The following SYNJ2 variants were observed in gnomAD, a reference collection of about 807,000 sequenced individuals.
SYNJ2 encodes the protein polyphosphatidylinositol phosphatase SYNJ2.
In SYNJ2, 116 loss-of-function variants were observed where a neutral mutation model predicts 141.3. The observed-to-expected ratio is 0.82, with a 90% confidence interval of 0.71 to 0.96. SYNJ2 has a LOEUF of 0.96. Among genes scored for constraint, SYNJ2 ranks in the 40% least tolerant of loss-of-function variants. SYNJ2 has a pLI of 0.00. For synonymous variants in SYNJ2, 745 were observed against 777.7 expected (o/e 0.96, Z 0.70); for missense variants, 1,873 against 1,934.8 (o/e 0.97, Z 0.60).
chr6:158,092,777 A>G, intron 25 of SYNJ2, 149 bp from the exon 26 acceptor site: 1 of 762,420 alleles, frequency 1.3e-6, no homozygotes, highest in Non-Finnish European at 2.0e-6. Flanking sequence ...AAAAGAAAAA[A>G]GAAAAAAAGC....
At chr6:158,093,221 G>A in intron 26 of SYNJ2, 117 bp downstream of exon 26, 1 of 1,178,558 alleles carries the variant, frequency 8.5e-7, no homozygotes, top group Non-Finnish European at 1.2e-6. Flanking sequence ...GGATTACGAG[G>A]TCAGGAGTTC....
chr6:157,984,684 G>A (rs781418789), intron 1 of SYNJ2, among the ~76,000 whole-genome samples: 6 of 152,116 alleles, frequency 3.9e-5, no homozygotes, highest in East Asian at 3.8e-4. Flanking sequence ...GATTACAGGC[G>A]TGAGCCACCA....
chr6:158,053,774 C>T (rs1780702552), intron 5 of SYNJ2, among the ~76,000 whole-genome samples: 1 of 150,332 alleles, frequency 6.7e-6, no homozygotes, highest in African/African-American at 2.5e-5. Context: ...CCCACCCATC[C>T]ACCCACCCAC....
intron 1 of SYNJ2, among the ~76,000 whole-genome samples, chr6:157,998,363 G>T (rs1176558439): frequency 6.6e-6 from 1 of 152,240 alleles, no homozygotes; most frequent in Non-Finnish European, 1.5e-5. Context: ...TCACCGAGTG[G>T]TTATAATTCA....
chr6:158,088,550 G>T (rs887506398), intron 23 of SYNJ2, 110 bp from the exon 24 acceptor site: 6 of 772,422 alleles, frequency 7.8e-6, no homozygotes, highest in Non-Finnish European at 1.3e-5. Context: ...GGACCTCACC[G>T]TGTCTGTGGT....
At position 158,043,170 on chromosome 6, in the gene SYNJ2, A is replaced by C. The variant is rs937045440; in HGVS notation, c.712-146A>C. On this transcript the variant is annotated intron_variant, in intron 4 of 26. Coordinates refer to ENST00000355585, the MANE Select transcript of SYNJ2 (RefSeq NM_003898.4). This position sits in a 1 kb window ranked among gnomAD's most constrained non-coding sequence, Gnocchi z 4.0. ...GCGAGAGGTCAGGGCGCATTGCCGGATGGGGGAGCAGAGGACGCCGGAGTC... is the reference window on the plus strand; with the variant it reads ...GCGAGAGGTCAGGGCGCATTGCCGGCTGGGGGAGCAGAGGACGCCGGAGTC... 6 of 644,162 alleles carry C rather than the reference A, an allele frequency of 9.3e-6. No homozygotes were observed. Among genetic ancestry groups the C allele is most frequent in the African/African-American group, 1.8e-5 (1 of 55,058 alleles). 39.9% of individuals were successfully genotyped at this position (644,162 alleles called of 1,614,324 possible). A position where few individuals can be genotyped will look rare whatever the true frequency, so the allele number is the denominator to read the frequency against.
chr6:158,011,421 G>A (rs1364545135), intron 1 of SYNJ2, among the ~76,000 whole-genome samples: 1 of 152,178 alleles, frequency 6.6e-6, no homozygotes, highest in Non-Finnish European at 1.5e-5. Context: ...TTCTCATGAT[G>A]TTCCTGTCCA....
rs562807599 is a variant in SYNJ2, at chr6:158,038,375, G to T, written c.711+4695G>T. Among the ~76,000 whole-genome samples, 15 of 152,190 alleles carry T rather than the reference G, an allele frequency of 9.9e-5. 1 individual carries two copies. Among genetic ancestry groups the T allele is most frequent in the Non-Finnish European group, 1.9e-4 (13 of 68,032 alleles). ...CTGCCGCTCACCCACAGATGCAGCC[G>T]CTGCGGATGCTGCCCCCGCCCCACC... On this transcript the variant is annotated intron_variant, in intron 4 of 26. Transcript: ENST00000355585.
At chr6:158,024,650 T>C (rs562059193) in intron 2 of SYNJ2, among the ~76,000 whole-genome samples, 4 of 152,300 alleles carry the variant, frequency 2.6e-5, no homozygotes, top group African/African-American at 9.6e-5. Context: ...ACCAGAACGC[T>C]CTCTTTTTAA....
At position 157,993,797 on chromosome 6, in the gene SYNJ2, G is replaced by GTTTTTT. The variant is rs61529071; in HGVS notation, c.127+11739_127+11744dup. Among the ~76,000 whole-genome samples the GTTTTTT allele has an allele frequency of 4.0e-4, 19 of 47,966 alleles. 1 individual carries two copies. Among genetic ancestry groups the GTTTTTT allele is most frequent in the African/African-American group, 6.0e-4 (8 of 13,268 alleles). The allele number at this position is 47,966 out of a possible 152,430, so 31.5% of individuals were successfully genotyped here. A position where few individuals can be genotyped will look rare whatever the true frequency, so the allele number is the denominator to read the frequency against. ...AGTTTGTGTGTCTGGAAATGTGTGG[G>GTTTTTT]TTTTTTTTTTTTTTTTTTTTTTTTT... is the stretch of plus-strand genomic sequence containing the variant. On this transcript the variant is annotated intron_variant, in intron 1 of 26. Coordinates refer to ENST00000355585, the MANE Select transcript of SYNJ2 (RefSeq NM_003898.4).
chr6:157,984,872 G>A (rs1173362739), intron 1 of SYNJ2, among the ~76,000 whole-genome samples: 3 of 152,182 alleles, frequency 2.0e-5, no homozygotes, highest in African/African-American at 4.8e-5. Context: ...TTCCTGTGAT[G>A]GGTCCCTCCC....
intron 1 of SYNJ2, among the ~76,000 whole-genome samples, chr6:157,993,797 GTTTTTTTTTTTTTTTTTTT>G (rs61529071): frequency 1.5e-3 from 74 of 47,966 alleles, no homozygotes; most frequent in African/African-American, 4.7e-3. Flanking sequence ...AAATGTGTGG[GTTTTTTTTTTTTTTTTTTT>G]TTTTTTTTTT....
At chr6:158,000,064 CTTTTTTTT>C (rs58284240) in intron 1 of SYNJ2, among the ~76,000 whole-genome samples, 1 of 85,568 alleles carries the variant, frequency 1.2e-5, no homozygotes, top group Non-Finnish European at 2.4e-5. Context: ...AGCCAAAAGG[CTTTTTTTT>C]TTTTTTTTTT....
intron 4 of SYNJ2, among the ~76,000 whole-genome samples, chr6:158,038,455 G>A (rs1327150636): frequency 6.6e-6 from 1 of 152,210 alleles, no homozygotes; most frequent in Non-Finnish European, 1.5e-5. Flanking sequence ...GCGTAGCGGG[G>A]CCCCAGGAAG....
At chr6:158,020,443 TCTAA>T (rs967433940) in intron 2 of SYNJ2, among the ~76,000 whole-genome samples, 35 of 117,606 alleles carry the variant, frequency 3.0e-4, no homozygotes, top group African/African-American at 1.0e-3. Flanking sequence ...TATGACTGAC[TCTAA>T]CTGTGTGACT....
At chr6:158,049,394 G>A (rs772675045) in intron 5 of SYNJ2, among the ~76,000 whole-genome samples, 31 of 152,168 alleles carry the variant, frequency 2.0e-4, no homozygotes, top group Non-Finnish European at 1.2e-4. Flanking sequence ...GTTGGAGCAG[G>A]ACAGAGGGGA....
intron 4 of SYNJ2, among the ~76,000 whole-genome samples, chr6:158,035,455 T>A (rs1208066230): frequency 1.3e-5 from 2 of 152,214 alleles, no homozygotes; most frequent in Non-Finnish European, 2.9e-5. Context: ...AATGGGATTG[T>A]GTTCCTGATT....
At chr6:158,075,973 C>T (rs1226450738) in intron 16 of SYNJ2, among the ~76,000 whole-genome samples, 4 of 119,810 alleles carry the variant, frequency 3.3e-5, no homozygotes, top group Non-Finnish European at 5.3e-5. Context: ...GGAGGATTGC[C>T]TAAGCCCAGG....
rs756434300 is a variant in SYNJ2, at chr6:158,095,884, G to T, written c.4011G>T (p.Lys1337Asn). ...PLVPKVPPRR[K>N]KSAPAAFHLQ... is the part of the protein sequence containing the mutation. ...TGCCCAAGGTACCCCCGAGGAGGAA[G>T]AAGTCAGCCCCCGCAGCCTTCCACC... The change falls in exon 27 of 27, where the codon AAG (lysine) becomes AAT (asparagine). Residue 1337 changes from lysine (K) to asparagine (N), a missense_variant. Physicochemically the swap from Lys to Asn is moderately conservative, Grantham distance 94 (BLOSUM62 0). Coordinates refer to ENST00000355585, the MANE Select transcript of SYNJ2 (RefSeq NM_003898.4). The T allele has an allele frequency of 9.9e-6, 16 of 1,614,134 alleles. No homozygotes were observed. The South Asian group carries it at 1.5e-4, about 16-fold the overall frequency.
Sources: allele counts gnomAD v4.1 joint callset (sites outside exome capture counted in the v4.1 genomes callset), GRCh38; gene constraint gnomAD v4.1.1; non-coding constraint Gnocchi (gnomAD v3.1); transcripts MANE v1.5; gene names NCBI Gene and HGNC (gene_info 2026-07-23, HGNC 2026-07-21).